VEPH1: variants seen among roughly 807,000 people sequenced by gnomAD.
VEPH1 encodes the protein ventricular zone-expressed PH domain-containing protein homolog 1.
In VEPH1, 80 loss-of-function variants were observed where a neutral mutation model predicts 85.2. That is an observed-to-expected ratio of 0.94 (90% CI 0.78 to 1.13). The LOEUF (loss-of-function observed/expected upper bound fraction) is 1.13, where lower values mean the gene tolerates loss of function less well. VEPH1 is among the 50% of genes most tolerant of loss of function. The pLI is 0.00. For missense variants in VEPH1, 955 were observed against 980.5 expected (o/e 0.97, Z 0.35); for synonymous variants, 297 against 348.0 (o/e 0.85, Z 1.63).
chr3:157,348,108 T>C lies in VEPH1; in HGVS notation c.1735+15256A>G, dbSNP rs151048486. The stretch of plus-strand genomic sequence containing the variant: ...CTTGCGTAGCAGGGAAACCACCTCA[T>C]GCTCTGCACTTCCAGCCAAAGGAAC... On this transcript the variant is annotated intron_variant, in intron 9 of 13. Coordinates refer to ENST00000362010, the MANE Select transcript of VEPH1 (RefSeq NM_001167912.2). Among the ~76,000 whole-genome samples, 53 of 152,252 alleles carry C rather than the reference T, an allele frequency of 3.5e-4. No homozygotes were observed. In the East Asian group the frequency reaches 9.7e-3, roughly 28 times the overall value.
intron 2 of VEPH1, among the ~76,000 whole-genome samples, chr3:157,481,477 A>AC: frequency 9.0e-6 from 1 of 111,374 alleles, no homozygotes; most frequent in African/African-American, 4.2e-5. Flanking sequence ...AAAAAAAAAA[A>AC]AAAAAAAAAC....
intron 11 of VEPH1, among the ~76,000 whole-genome samples, chr3:157,289,929 T>A (rs191706458): frequency 6.6e-6 from 1 of 152,312 alleles, no homozygotes; most frequent in Admixed American, 6.5e-5. Flanking sequence ...GGTGTTCATC[T>A]GTTTGTATAC....
chr3:157,321,821 G>A (rs1419201186), intron 9 of VEPH1, among the ~76,000 whole-genome samples: 1 of 152,028 alleles, frequency 6.6e-6, no homozygotes, highest in Non-Finnish European at 1.5e-5. Context: ...CTACTTAAAT[G>A]ATTTTTACAT....
intron 9 of VEPH1, among the ~76,000 whole-genome samples, chr3:157,327,727 A>C (rs1474307268): frequency 3.3e-5 from 5 of 152,140 alleles, no homozygotes; most frequent in Admixed American, 2.0e-4. Context: ...GTGCATATAG[A>C]CTTGCAAATT....
intron 12 of VEPH1, among the ~76,000 whole-genome samples, chr3:157,274,135 A>G (rs1715080831): frequency 6.6e-6 from 1 of 152,210 alleles, no homozygotes; most frequent in Non-Finnish European, 1.5e-5. Flanking sequence ...TAGTGAAGCC[A>G]TACATCCCCG....
intron 5 of VEPH1, among the ~76,000 whole-genome samples, chr3:157,421,577 C>G (rs1278882743): frequency 6.6e-6 from 1 of 152,148 alleles, no homozygotes; most frequent in Non-Finnish European, 1.5e-5. Flanking sequence ...CTCAGTAAAC[C>G]CTTTCTCCAC....
At chr3:157,410,001 G>GC in intron 6 of VEPH1, 1 of 917,086 alleles carries the variant, frequency 1.1e-6, no homozygotes, top group Non-Finnish European at 1.3e-6. Flanking sequence ...ATCAGTCAGA[G>GC]ATTGTACATT....
At chr3:157,352,931 A>G (rs1397133709) in intron 9 of VEPH1, among the ~76,000 whole-genome samples, 1 of 152,110 alleles carries the variant, frequency 6.6e-6, no homozygotes, top group Non-Finnish European at 1.5e-5. Flanking sequence ...TAAAGGGAGG[A>G]AAAAAGGGTC....
intron 9 of VEPH1, among the ~76,000 whole-genome samples, chr3:157,351,875 A>G (rs1304898091): frequency 1.3e-5 from 2 of 152,206 alleles, no homozygotes; most frequent in Non-Finnish European, 2.9e-5. Context: ...ATTTAGCAGC[A>G]TTCCTGGGCT....
intron 12 of VEPH1, among the ~76,000 whole-genome samples, chr3:157,281,465 T>C (rs1190518877): frequency 6.6e-6 from 1 of 152,202 alleles, no homozygotes; most frequent in Non-Finnish European, 1.5e-5. Context: ...CGTAGGACAG[T>C]GCTCTAACAC....
At chr3:157,368,535 AG>A (rs1228176442) in intron 7 of VEPH1, among the ~76,000 whole-genome samples, 1 of 151,978 alleles carries the variant, frequency 6.6e-6, no homozygotes, top group Non-Finnish European at 1.5e-5. Context: ...TCTGTCGCCC[AG>A]GCTGGAGTGC....
intron 2 of VEPH1, among the ~76,000 whole-genome samples, chr3:157,494,749 T>C (rs1739514964): frequency 6.6e-6 from 1 of 152,122 alleles, no homozygotes; most frequent in South Asian, 2.1e-4. Context: ...AGCAAAGCGA[T>C]CGTTGTCCTT....
At chr3:157,314,330 CAAA>C (rs34703314) in intron 10 of VEPH1, among the ~76,000 whole-genome samples, 79 of 43,158 alleles carry the variant, frequency 1.8e-3, no homozygotes, top group South Asian at 4.0e-3. Context: ...GAGGATCCGT[CAAA>C]AAAAAAAAAA....
At chr3:157,266,707 A>G (rs1713701704) in intron 12 of VEPH1, among the ~76,000 whole-genome samples, 1 of 152,212 alleles carries the variant, frequency 6.6e-6, no homozygotes, top group African/African-American at 2.4e-5. Context: ...ATCCATTGCA[A>G]TGTCAGAGTT....
intron 7 of VEPH1, among the ~76,000 whole-genome samples, chr3:157,374,289 T>C (rs1157364608): frequency 6.6e-6 from 1 of 151,962 alleles, no homozygotes; most frequent in Non-Finnish European, 1.5e-5. Flanking sequence ...GATACTCGTT[T>C]CCTATCAAAA....
At chr3:157,270,856 G>A (rs1385294108) in intron 12 of VEPH1, among the ~76,000 whole-genome samples, 1 of 151,988 alleles carries the variant, frequency 6.6e-6, no homozygotes, top group Non-Finnish European at 1.5e-5. Context: ...AAGTGCCACC[G>A]AGAAGTACAA....
chr3:157,348,396 A>G (rs749770940), intron 9 of VEPH1, among the ~76,000 whole-genome samples: 2 of 151,848 alleles, frequency 1.3e-5, no homozygotes, highest in Admixed American at 1.3e-4. Flanking sequence ...TTTTCTCTGC[A>G]TCCTCACCAG....
intron 4 of VEPH1, among the ~76,000 whole-genome samples, chr3:157,437,292 T>A (rs1488080205): frequency 6.6e-6 from 1 of 152,226 alleles, no homozygotes; most frequent in African/African-American, 2.4e-5. Context: ...TTGAGCTACA[T>A]AACCGGCGAT....
rs115134040 is a variant in VEPH1 at position 157,344,783 on chromosome 3, C to T, written c.1735+18581G>A. ...CTACCTGACTTCAAACAATACTACACGGCTACAATAACCAAAACATCATGG... is the reference window on the plus strand; with the variant it reads ...CTACCTGACTTCAAACAATACTACATGGCTACAATAACCAAAACATCATGG... On this transcript the variant is annotated intron_variant, in intron 9 of 13. Coordinates refer to ENST00000362010, the MANE Select transcript of VEPH1 (RefSeq NM_001167912.2). 9.7e-3 allele frequency among the ~76,000 whole-genome samples: 1,478 copies of T among 152,196 alleles called. 26 individuals carry two copies. The highest frequency in any genetic ancestry group is 0.043 in the East Asian group (224 of 5,174).
Sources: allele counts gnomAD v4.1 joint callset (sites outside exome capture counted in the v4.1 genomes callset), GRCh38; gene constraint gnomAD v4.1.1; transcripts MANE v1.5; gene names NCBI Gene and HGNC (gene_info 2026-07-23, HGNC 2026-07-21).